Variants in CLPTM1L observed in about 807,000 individuals in gnomAD.
CLPTM1L encodes the protein CLPTM1 like.
A neutral mutation model predicts 70.9 loss-of-function variants in CLPTM1L; 38 were observed. That is an observed-to-expected ratio of 0.54 (90% CI 0.41 to 0.70). The LOEUF (loss-of-function observed/expected upper bound fraction) is 0.70, where lower values mean the gene tolerates loss of function less well. CLPTM1L is among the 30% of genes least tolerant of loss of function. The probability of loss-of-function intolerance (pLI) is 0.00; values close to 1 mark genes in which losing one functional copy is unlikely to be tolerated. For synonymous variants in CLPTM1L, 339 were observed against 299.9 expected, an observed-to-expected ratio of 1.13 and a Z score of -1.35; for missense variants, 652 against 705.9, an observed-to-expected ratio of 0.92 and a Z score of 0.87.
chr5:1,322,373 C>A (rs1403034482), intron 13 of CLPTM1L, among the ~76,000 whole-genome samples: 1 of 152,210 alleles, frequency 6.6e-6, no homozygotes, highest in Non-Finnish European at 1.5e-5. Flanking sequence ...GACATGTGGC[C>A]CCGAGCACAG....
intron 10 of CLPTM1L, 153 bp downstream of exon 10, chr5:1,325,598 C>A (rs940940418): frequency 2.9e-6 from 2 of 678,532 alleles, no homozygotes; most frequent in African/African-American, 3.6e-5. Flanking sequence ...AGAGTGGCTG[C>A]GATCAGAAAC....
rs774508335 is a variant in CLPTM1L at position 1,331,869 on chromosome 5, G to C, written c.906C>G (p.Phe302Leu). The C allele has an allele frequency of 1.9e-6, 3 of 1,613,244 alleles. No homozygotes were observed. In the East Asian group the frequency reaches 6.7e-5, roughly 36 times the overall value. Reference sequence around the variant, plus strand: ...AACTGATGTCATTTTTAAAGGCCAGGAAATCAAAGAGAAGCTAGAGAGAAC... The same window carrying C: ...AACTGATGTCATTTTTAAAGGCCAGCAAATCAAAGAGAAGCTAGAGAGAAC... ...FVAAFHLLFD[F>L]LAFKNDISFW... is the part of the protein sequence containing the mutation. The change falls in exon 8 of 17, where the codon TTC becomes TTG. Residue 302 changes from phenylalanine (F) to leucine (L), a missense_variant. Physicochemically the swap from Phe to Leu is conservative, Grantham distance 22. This residue lies in a region of CLPTM1L where 402 missense variants were observed against 388.2 expected (regional missense o/e 1.04). Transcript: ENST00000320895.
intron 3 of CLPTM1L, among the ~76,000 whole-genome samples, 198 bp downstream of exon 3, chr5:1,341,473 G>C (rs1753931023): frequency 1.3e-5 from 2 of 152,184 alleles, no homozygotes; most frequent in African/African-American, 2.4e-5. Flanking sequence ...CCTAATTTTA[G>C]ATAAAACTTG....
At chr5:1,337,794 G>A (rs955946314) in intron 5 of CLPTM1L, 110 bp downstream of exon 5, 7 of 865,298 alleles carry the variant, frequency 8.1e-6, no homozygotes, top group Admixed American at 2.1e-5. Context: ...TAAAAGCACC[G>A]TGTCAAATGT....
At position 1,335,079 on chromosome 5, in the gene CLPTM1L, G is replaced by A. The variant is rs116659965; in HGVS notation, c.774C>T (p.Ala258=). 693 of 1,613,258 alleles carry A rather than the reference G, an allele frequency of 4.3e-4. 4 individuals are homozygous for A. In the African/African-American group the frequency reaches 7.8e-3, roughly 18 times the overall value. The change falls in exon 6 of 17, where the codon GCC becomes GCT. Residue 258 remains alanine, a synonymous_variant. Transcript: ENST00000320895. ...RLRFWIHMQD[A]VYSLQQFGFS... Reference sequence around the variant, plus strand: ...TACCGAACTGCTGCAGGGAGTACACGGCGTCCTGCATGTGGATCCAGAAGC... The same window carrying A: ...TACCGAACTGCTGCAGGGAGTACACAGCGTCCTGCATGTGGATCCAGAAGC...
chr5:1,318,345 G>C lies in CLPTM1L; in HGVS notation c.*24C>G, dbSNP rs1466258776. 6.3e-7 allele frequency: 1 copy of C among 1,598,670 alleles called. No individual in the cohort carries two copies. Among genetic ancestry groups the C allele is most frequent in the Non-Finnish European group, 8.6e-7 (1 of 1,167,368 alleles). ...CTCATTGACAATTCAAGTTGCACTT[G>C]GCTGGCGGCAGCCCGGGCGGCCTTC... is the stretch of plus-strand genomic sequence containing the variant. On this transcript the variant is annotated 3_prime_UTR_variant, in exon 17 of 17. Transcript: ENST00000320895. The surrounding 1 kb of genome is among the most constrained non-coding windows in gnomAD (Gnocchi z 8.9).
intron 9 of CLPTM1L, chr5:1,326,047 C>A (rs962071281): frequency 1.1e-5 from 6 of 540,182 alleles, no homozygotes; most frequent in African/African-American, 1.9e-5. Flanking sequence ...CACCGCCCAG[C>A]GGACAACAAA....
At chr5:1,331,762 CAG>C (rs1275103519) in intron 8 of CLPTM1L, 35 bp downstream of exon 8, 2 of 1,583,456 alleles carry the variant, frequency 1.3e-6, no homozygotes, top group Non-Finnish European at 1.7e-6. Context: ...CTCCCTGGGG[CAG>C]AGTATCTGAG....
At chr5:1,333,410 TACAC>T (rs1220255924) in intron 7 of CLPTM1L, among the ~76,000 whole-genome samples, 1 of 828 alleles carries the variant, frequency 1.2e-3, no homozygotes, top group Admixed American at 0.026. Flanking sequence ...GACTACTGTA[TACAC>T]ACACGGGATG....
At chr5:1,337,799 A>G in intron 5 of CLPTM1L, 105 bp downstream of exon 5, 1 of 907,484 alleles carries the variant, frequency 1.1e-6, no homozygotes. Context: ...GCACCGTGTC[A>G]AATGTCAGCA....
intron 5 of CLPTM1L, among the ~76,000 whole-genome samples, chr5:1,336,084 G>A (rs1753559498): frequency 6.6e-6 from 1 of 152,250 alleles, no homozygotes; most frequent in South Asian, 2.1e-4. Flanking sequence ...TGCCCTGAGA[G>A]CGGCTGTCAG....
Position 1,318,284 on chromosome 5 carries a change from A to T in CLPTM1L, c.*85T>A. ...GGGATTTTGGCAACACAGAAAACGC[A>T]ATGTCTAGGAATTCCTCCAAATGCT... On this transcript the variant is annotated 3_prime_UTR_variant, in exon 17 of 17. Transcript: ENST00000320895. The surrounding 1 kb of genome is among the most constrained non-coding windows in gnomAD (Gnocchi z 8.9). The T allele has an allele frequency of 5.4e-6, 6 of 1,101,944 alleles. No individual in the cohort carries two copies. Among genetic ancestry groups the T allele is most frequent in the Non-Finnish European group, 8.2e-6 (6 of 729,708 alleles). 68.3% of individuals were successfully genotyped at this position (1,101,944 alleles called of 1,614,324 possible).
In CLPTM1L at chr5:1,321,845, G is replaced by A. The variant is rs200975747; in HGVS notation, c.1316-26C>T. 7,656 of 1,605,556 alleles carry A rather than the reference G, an allele frequency of 4.8e-3. 21 individuals carry two copies. The highest frequency in any genetic ancestry group is 6.1e-3 in the Non-Finnish European group (7,148 of 1,175,390). ...CTGCAGAAAGACAGACAGCACTCAC[G>A]AGGTGCGGAGGGCCGGGCTGCCACA... is the stretch of plus-strand genomic sequence containing the variant. On this transcript the variant is annotated intron_variant, in intron 13 of 16. Coordinates refer to ENST00000320895, the MANE Select transcript of CLPTM1L (RefSeq NM_030782.5).
chr5:1,326,501 G>GAC (rs1752559161), intron 9 of CLPTM1L: 4 of 197,412 alleles, frequency 2.0e-5, no homozygotes, highest in African/African-American at 3.3e-5. Context: ...CCTCTACAGG[G>GAC]ACATTCCATC....
intron 2 of CLPTM1L, among the ~76,000 whole-genome samples, chr5:1,344,030 T>C (rs948678802): frequency 1.3e-5 from 2 of 152,218 alleles, no homozygotes; most frequent in Non-Finnish European, 2.9e-5. Flanking sequence ...TCCCCGGTAG[T>C]GAAACTGCAG....
chr5:1,330,642 A>C (rs1753026943), intron 8 of CLPTM1L: 2 of 501,948 alleles, frequency 4.0e-6, no homozygotes, highest in South Asian at 3.1e-5. Flanking sequence ...CTTGCAAATG[A>C]GCATGGAACG....
chr5:1,318,878 G>A lies in CLPTM1L; in HGVS notation c.1533-425C>T, dbSNP rs569732246. Among the ~76,000 whole-genome samples the A allele has an allele frequency of 1.3e-5, 2 of 152,318 alleles. No homozygotes were observed. The highest frequency in any genetic ancestry group is 1.3e-4 in the Admixed American group (2 of 15,296). The stretch of plus-strand genomic sequence containing the variant: ...ACACTGCCGCCGCCTTTGATCCTGA[G>A]CGCCCCGGAGGCCTTGCCAACATCA... On this transcript the variant is annotated intron_variant, in intron 16 of 16. Coordinates refer to ENST00000320895, the MANE Select transcript of CLPTM1L (RefSeq NM_030782.5). The surrounding 1 kb of genome is among the most constrained non-coding windows in gnomAD (Gnocchi z 8.9).
intron 5 of CLPTM1L, 93 bp downstream of exon 5, chr5:1,337,811 T>G: frequency 3.0e-6 from 3 of 990,678 alleles, no homozygotes; most frequent in Non-Finnish European, 4.7e-6. Flanking sequence ...ATGTCAGCAA[T>G]GGCCCGGTCC....
At chr5:1,341,917 C>T (rs1753960471) in intron 2 of CLPTM1L, 57 bp from the exon 3 acceptor site, 2 of 1,373,292 alleles carry the variant, frequency 1.5e-6, no homozygotes, top group East Asian at 4.9e-5. Context: ...TCTCTAGAAC[C>T]TATTCAAATA....
Sources: gnomAD v4.1 joint callset for allele counts (sites outside exome capture counted in the v4.1 genomes callset) on GRCh38, gnomAD v4.1.1 for gene constraint, gnomAD v4.1.1 regional missense constraint, Gnocchi (gnomAD v3.1) non-coding constraint, MANE v1.5 for transcripts, NCBI Gene and HGNC (gene_info 2026-07-23, HGNC 2026-07-21) for gene names.